PHF24: variants seen among roughly 807,000 people sequenced by gnomAD.
The protein encoded by PHF24 is Galpha inhibitory interacting protein.
In PHF24, 25 loss-of-function variants were observed where a neutral mutation model predicts 42.6. The observed-to-expected ratio is 0.59, with a 90% CI of 0.43 to 0.82. The LOEUF is 0.82. Ranked by LOEUF, PHF24 falls within the 40% of genes least tolerant of loss-of-function variation. The probability of loss-of-function intolerance (pLI) is 0.00; values close to 1 mark genes in which losing one functional copy is unlikely to be tolerated. For missense variants in PHF24, 470 were observed against 538.1 expected (o/e 0.87, Z 1.25); for synonymous variants, 185 against 204.8 (o/e 0.90, Z 0.83).
the PHF24 span, among the ~76,000 whole-genome samples, chr9:34,749,251 G>C: frequency 6.6e-6 from 1 of 151,964 alleles, no homozygotes; most frequent in Non-Finnish European, 1.5e-5. Flanking sequence ...AAGGGTTATC[G>C]GTCTGAAAGA....
chr9:34,681,627 A>G, the PHF24 span, among the ~76,000 whole-genome samples: 158 of 152,334 alleles, frequency 1.0e-3, no homozygotes, highest in African/African-American at 3.6e-3. Flanking sequence ...CTTGGCCAAC[A>G]TGGTGAAGCC....
the PHF24 span, among the ~76,000 whole-genome samples, chr9:34,675,101 T>A: frequency 3.3e-5 from 5 of 151,632 alleles, no homozygotes; most frequent in Admixed American, 2.6e-4. Context: ...CAAGTGATCC[T>A]CCCGCCTTGG....
At chr9:34,689,810 G>T in the PHF24 span, 4 of 1,614,112 alleles carry the variant, frequency 2.5e-6, no homozygotes, top group Non-Finnish European at 3.4e-6. This position sits in a 1 kb window ranked among gnomAD's most constrained non-coding sequence, Gnocchi z 4.1. Context: ...CCCTCTGCAC[G>T]GTCATAGGTT....
chr9:34,668,177 G>A, the PHF24 span, among the ~76,000 whole-genome samples: 3 of 152,204 alleles, frequency 2.0e-5, no homozygotes, highest in Non-Finnish European at 4.4e-5. Flanking sequence ...GAAGGCCATA[G>A]CCCTGACTGG....
At chr9:34,866,719 A>G in the PHF24 span, among the ~76,000 whole-genome samples, 1 of 152,170 alleles carries the variant, frequency 6.6e-6, no homozygotes, top group South Asian at 2.1e-4. Flanking sequence ...CCTATTTTCC[A>G]GGGACTTGCT....
the PHF24 span, among the ~76,000 whole-genome samples, chr9:34,870,302 G>C: frequency 6.6e-6 from 1 of 151,990 alleles, no homozygotes; most frequent in Non-Finnish European, 1.5e-5. Context: ...ATAATGGATA[G>C]TAATACTGCA....
the PHF24 span, among the ~76,000 whole-genome samples, chr9:34,934,299 T>C: frequency 2.4e-3 from 366 of 152,344 alleles, 1 homozygote; most frequent in African/African-American, 8.4e-3. Flanking sequence ...AATAAGTGAT[T>C]ACAAAATTCT....
At chr9:34,709,652 C>T in the PHF24 span, 5 of 1,614,046 alleles carry the variant, frequency 3.1e-6, no homozygotes, top group Non-Finnish European at 4.2e-6. Flanking sequence ...CTGCACATAG[C>T]TCTGCCTGAG....
the PHF24 span, among the ~76,000 whole-genome samples, chr9:34,677,279 C>G: frequency 6.6e-6 from 1 of 152,066 alleles, no homozygotes; most frequent in Non-Finnish European, 1.5e-5. Context: ...CTGCCACCAC[C>G]TAGGTTAGGC....
At chr9:34,898,756 C>T in the PHF24 span, among the ~76,000 whole-genome samples, 1 of 152,188 alleles carries the variant, frequency 6.6e-6, no homozygotes, top group African/African-American at 2.4e-5. Context: ...AGTTTTGTCA[C>T]CCATTAGCCT....
the PHF24 span, among the ~76,000 whole-genome samples, chr9:34,910,366 GTGCATACTCTAGGAATAACTAGTCCAGA>G: frequency 6.6e-6 from 1 of 151,786 alleles, no homozygotes. Context: ...CTGTTATTAC[GTGCATACTCTAGGAATAACTAGTCCAGA>G]TAAGCAGCCA....
chr9:34,859,937 A>G, the PHF24 span, among the ~76,000 whole-genome samples: 3 of 152,062 alleles, frequency 2.0e-5, no homozygotes, highest in African/African-American at 7.2e-5. Context: ...TCCCATGCAT[A>G]TATCAACCAG....
chr9:34,782,748 T>G, the PHF24 span, among the ~76,000 whole-genome samples: 18 of 152,052 alleles, frequency 1.2e-4, no homozygotes, highest in Non-Finnish European at 4.4e-5. Context: ...CAAAACAAAC[T>G]TGAGAAAGCT....
chr9:34,671,169 C>T, the PHF24 span, among the ~76,000 whole-genome samples: 4 of 152,128 alleles, frequency 2.6e-5, no homozygotes, highest in South Asian at 2.1e-4. Flanking sequence ...CATTCTCTAC[C>T]GTGGCCTCCC....
the PHF24 span, among the ~76,000 whole-genome samples, chr9:34,697,950 G>A: frequency 4.6e-5 from 7 of 152,142 alleles, no homozygotes; most frequent in Non-Finnish European, 8.8e-5. Context: ...CTAACCATGA[G>A]TGATAAGGTG....
chr9:34,680,715 A>T, the PHF24 span, among the ~76,000 whole-genome samples: 6,249 of 109,530 alleles, frequency 0.057, 217 homozygotes, highest in South Asian at 0.089. Context: ...AATAAAAAAA[A>T]AAATAAAATA....
At chr9:34,874,413 T>G in the PHF24 span, among the ~76,000 whole-genome samples, 7 of 152,188 alleles carry the variant, frequency 4.6e-5, no homozygotes, top group Non-Finnish European at 2.9e-5. Context: ...ACAAGGGATA[T>G]GCTTTTTCAA....
the PHF24 span, among the ~76,000 whole-genome samples, chr9:34,938,773 CAA>C: frequency 8.5e-4 from 121 of 143,028 alleles, no homozygotes; most frequent in Non-Finnish European, 8.5e-4. Context: ...ACTAAAAATA[CAA>C]AAAAAAAAAA....
the PHF24 span, chr9:34,918,076 C>T: frequency 2.7e-6 from 4 of 1,491,974 alleles, no homozygotes; most frequent in Non-Finnish European, 3.7e-6. Context: ...CGACACCTAA[C>T]TGGATTCCAT....
Sources: gnomAD v4.1 joint callset for allele counts (sites outside exome capture counted in the v4.1 genomes callset) on GRCh38, gnomAD v4.1.1 for gene constraint, Gnocchi (gnomAD v3.1) non-coding constraint, MANE v1.5 for transcripts, NCBI Gene and HGNC (gene_info 2026-07-23, HGNC 2026-07-21) for gene names.